ZFP64: variants seen among roughly 807,000 people sequenced by gnomAD.
ZFP64 encodes ZFP64 zinc finger protein.
In ZFP64, 14 loss-of-function variants were observed where a neutral mutation model predicts 51.6. That is an observed-to-expected ratio of 0.27 (90% CI 0.18 to 0.42). The LOEUF is 0.42. Among genes scored for constraint, ZFP64 ranks in the 10% least tolerant of loss-of-function variants. The pLI is 1.00. For synonymous variants in ZFP64, 375 were observed against 361.4 expected, an observed-to-expected ratio of 1.04 and a Z score of -0.43; for missense variants, 754 against 906.8, an observed-to-expected ratio of 0.83 and a Z score of 2.16.
chr20:52,110,699 G>T, intron 5 of ZFP64: 1 of 1,564,602 alleles, frequency 6.4e-7, no homozygotes, highest in Non-Finnish European at 8.7e-7. Context: ...TGCCCCTTCA[G>T]CCAGCGCTGG....
downstream of ZFP64, among the ~76,000 whole-genome samples, chr20:52,149,006 G>A (rs1161093076): frequency 1.3e-5 from 2 of 152,134 alleles, no homozygotes; most frequent in African/African-American, 4.8e-5. Flanking sequence ...CCAAAAGGAG[G>A]GAGTAAGAGT....
intron 5 of ZFP64, among the ~76,000 whole-genome samples, chr20:52,159,622 G>A (rs1244354628): frequency 1.3e-5 from 2 of 152,182 alleles, no homozygotes; most frequent in Non-Finnish European, 2.9e-5. Context: ...AGGCTGAGGT[G>A]GGCAGACCAC....
intron 6 of ZFP64, chr20:52,097,542 C>T: frequency 9.8e-7 from 1 of 1,017,776 alleles, no homozygotes; most frequent in Non-Finnish European, 1.4e-6. Flanking sequence ...GCAACCTCCG[C>T]CTCCCGGGTT....
At chr20:52,148,316 A>T (rs116043328), downstream of ZFP64, among the ~76,000 whole-genome samples, 279 of 152,334 alleles carry the variant, frequency 1.8e-3, no homozygotes, top group African/African-American at 6.3e-3. Context: ...TGTGAACTTT[A>T]TCTACACGAT....
chr20:52,091,470 T>C (rs1488737119), intron 7 of ZFP64, among the ~76,000 whole-genome samples: 2 of 152,226 alleles, frequency 1.3e-5, no homozygotes, highest in Non-Finnish European at 2.9e-5. Context: ...GGAATATCAA[T>C]TTTAGCATCA....
chr20:52,123,439 A>G (rs1409298939), intron 5 of ZFP64, among the ~76,000 whole-genome samples: 3 of 152,180 alleles, frequency 2.0e-5, no homozygotes, highest in Admixed American at 6.5e-5. Flanking sequence ...TCTTATTTTA[A>G]GAAATTGGCA....
rs1220214421 is a variant in ZFP64, at chr20:52,129,105, G to A, written c.764-30518C>T. On this transcript the variant is annotated intron_variant, in intron 5 of 8. Transcript: ENST00000361387. ...ATTTTTTTTTTTTTTTTCTTGAGAT[G>A]GAGTCTCGCTCTGTTGCCCAGGCTG... Among the ~76,000 whole-genome samples the A allele has an allele frequency of 5.5e-5, 8 of 146,114 alleles. No individual in the cohort carries two copies. In the East Asian group the frequency reaches 1.4e-3, roughly 26 times the overall value.
chr20:52,140,628 G>A (rs773908550), intron 5 of ZFP64, among the ~76,000 whole-genome samples: 2 of 152,172 alleles, frequency 1.3e-5, no homozygotes, highest in African/African-American at 4.8e-5. Context: ...TGGTTCAGGA[G>A]GTTTAAAGAA....
In ZFP64 at chr20:52,151,926, A is replaced by G. The variant is rs1301110114; in HGVS notation, c.*220T>C. 1 of 1,125,086 alleles carries G rather than the reference A, an allele frequency of 8.9e-7. No homozygotes were observed. Among genetic ancestry groups the G allele is most frequent in the African/African-American group, 1.6e-5 (1 of 63,550 alleles). 69.7% of individuals were successfully genotyped at this position (1,125,086 alleles called of 1,614,324 possible). A position where few individuals can be genotyped will look rare whatever the true frequency, so the allele number is the denominator to read the frequency against. On this transcript the variant is annotated 3_prime_UTR_variant, in exon 6 of 6. Transcript: ENST00000216923. Reference sequence around the variant, plus strand: ...ATGTCGTACACCTGTGGTCCCAGCTACTCGGAGGGCTGAGGCATGAGAATC... The same window carrying G: ...ATGTCGTACACCTGTGGTCCCAGCTGCTCGGAGGGCTGAGGCATGAGAATC...
intron 1 of ZFP64, among the ~76,000 whole-genome samples, chr20:52,188,283 G>T (rs1984113512): frequency 6.6e-6 from 1 of 150,870 alleles, no homozygotes; most frequent in South Asian, 2.1e-4. Flanking sequence ...TTCCTAACTG[G>T]CAGGGACATT....
chr20:52,171,647 A>T (rs1982740540), intron 2 of ZFP64, among the ~76,000 whole-genome samples: 1 of 151,408 alleles, frequency 6.6e-6, no homozygotes. Flanking sequence ...ACACCACCAC[A>T]CCTGGCTAAT....
chr20:52,151,303 T>C lies in ZFP64; in HGVS notation c.*843A>G. The stretch of plus-strand genomic sequence containing the variant: ...TATATTTTAATCAGATATCAATTTA[T>C]TATGGAACCATTCATTTTCTGCTCA... On this transcript the variant is annotated 3_prime_UTR_variant, in exon 6 of 6. Coordinates refer to ENST00000216923, the MANE Select transcript of ZFP64 (RefSeq NM_018197.3). 3.0e-6 allele frequency: 3 copies of C among 985,284 alleles called. No homozygotes were observed. The highest frequency in any genetic ancestry group is 3.6e-6 in the Non-Finnish European group (3 of 829,780). 61.0% of individuals were successfully genotyped at this position (985,284 alleles called of 1,614,324 possible). A position where few individuals can be genotyped will look rare whatever the true frequency, so the allele number is the denominator to read the frequency against.
intron 2 of ZFP64, among the ~76,000 whole-genome samples, chr20:52,177,175 T>G (rs1983289988): frequency 6.6e-6 from 1 of 152,214 alleles, no homozygotes; most frequent in South Asian, 2.1e-4. Flanking sequence ...AATTTGATCA[T>G]GCATCACAGA....
chr20:52,164,584 A>T, intron 4 of ZFP64, 111 bp downstream of exon 4: 2 of 928,914 alleles, frequency 2.2e-6, no homozygotes, highest in Admixed American at 4.2e-5. Flanking sequence ...TTGTATTCCC[A>T]TAACAGCCAG....
chr20:52,107,148 G>A (rs1424114495), intron 5 of ZFP64, among the ~76,000 whole-genome samples: 2 of 152,292 alleles, frequency 1.3e-5, no homozygotes, highest in East Asian at 3.9e-4. Context: ...CTTTTGAGGA[G>A]ACTGGATAAA....
At chr20:52,103,709 C>A (rs1299728312) in intron 5 of ZFP64, among the ~76,000 whole-genome samples, 1 of 152,224 alleles carries the variant, frequency 6.6e-6, no homozygotes, top group African/African-American at 2.4e-5. Context: ...TTCCCCGAGG[C>A]GCAGAGATCA....
chr20:52,163,655 T>A (rs1011518153), intron 4 of ZFP64, among the ~76,000 whole-genome samples: 1 of 152,220 alleles, frequency 6.6e-6, no homozygotes, highest in Non-Finnish European at 1.5e-5. Context: ...TGGTTACTCA[T>A]CTTCCAAAGG....
At chr20:52,121,422 G>T (rs138794048) in intron 5 of ZFP64, among the ~76,000 whole-genome samples, 1 of 152,312 alleles carries the variant, frequency 6.6e-6, no homozygotes, top group East Asian at 1.9e-4. Context: ...TTTTTGATAT[G>T]GTGAAACTTT....
chr20:52,119,036 A>G (rs1005084356), intron 5 of ZFP64, among the ~76,000 whole-genome samples: 11 of 152,136 alleles, frequency 7.2e-5, no homozygotes, highest in African/African-American at 2.7e-4. Context: ...GCAGCTATCA[A>G]AAAAGGTCGA....
Sources: allele counts gnomAD v4.1 joint callset (sites outside exome capture counted in the v4.1 genomes callset), GRCh38; gene constraint gnomAD v4.1.1; transcripts MANE v1.5; gene names NCBI Gene and HGNC (gene_info 2026-07-23, HGNC 2026-07-21).